The following LNX2 variants were observed in gnomAD, a reference collection of about 807,000 sequenced individuals.
LNX2 encodes the protein ligand of Numb protein X 2.
A neutral mutation model predicts 66.2 loss-of-function variants in LNX2; 35 were observed. The observed-to-expected ratio is 0.53, with a 90% CI of 0.40 to 0.70. LNX2 has a LOEUF of 0.70. Among genes scored for constraint, LNX2 ranks in the 30% least tolerant of loss-of-function variants. The pLI is 0.00. For synonymous variants in LNX2, 337 were observed against 315.6 expected, an observed-to-expected ratio of 1.07 and a Z score of -0.72; for missense variants, 791 against 850.8, an observed-to-expected ratio of 0.93 and a Z score of 0.87.
chr13:27,565,971 T>C (rs1289509520), intron 4 of LNX2, among the ~76,000 whole-genome samples: 2 of 152,158 alleles, frequency 1.3e-5, no homozygotes, highest in African/African-American at 2.4e-5. Flanking sequence ...GAGATGGCTA[T>C]TCCCAACAGC....
intron 1 of LNX2, among the ~76,000 whole-genome samples, chr13:27,584,791 T>A (rs1955464112): frequency 6.6e-6 from 1 of 152,190 alleles, no homozygotes; most frequent in Admixed American, 6.5e-5. Context: ...ACAGTTGGCC[T>A]CAGATAAATT....
rs1002163336 is a variant in LNX2, at chr13:27,560,073, C to T, written c.1225-88G>A. The T allele has an allele frequency of 6.6e-6, 8 of 1,220,616 alleles. No homozygotes were observed. The African/African-American group carries it at 7.7e-5, about 12-fold the overall frequency. The allele number at this position is 1,220,616 out of a possible 1,614,324, so 75.6% of individuals were successfully genotyped here. ...ACACAGTGTAATTTTCAATGAACTT[C>T]TTAATCACTGTACCAGGGCGTCATC... On this transcript the variant is annotated intron_variant, in intron 5 of 9. Transcript: ENST00000316334.
chr13:27,582,185 A>G (rs1350447503), intron 1 of LNX2, among the ~76,000 whole-genome samples: 2 of 151,986 alleles, frequency 1.3e-5, no homozygotes, highest in African/African-American at 2.4e-5. Flanking sequence ...GCACGCCACC[A>G]TGTCCTGTTA....
intron 2 of LNX2, among the ~76,000 whole-genome samples, chr13:27,572,332 G>T (rs1010283336): frequency 6.6e-6 from 1 of 152,170 alleles, no homozygotes; most frequent in Admixed American, 6.5e-5. Flanking sequence ...CAGGAGACTA[G>T]TACAGAGGAT....
intron 1 of LNX2, among the ~76,000 whole-genome samples, chr13:27,590,633 C>T (rs1221182216): frequency 3.3e-5 from 5 of 152,086 alleles, no homozygotes; most frequent in Admixed American, 3.3e-4. Flanking sequence ...GCAGATTTTG[C>T]CCCAGAGCCA....
At chr13:27,602,177 A>C (rs1010409051) in intron 1 of LNX2, among the ~76,000 whole-genome samples, 2 of 152,118 alleles carry the variant, frequency 1.3e-5, no homozygotes, top group Non-Finnish European at 2.9e-5. Flanking sequence ...CCCAGCACTC[A>C]AGCAATCATC....
intron 1 of LNX2, among the ~76,000 whole-genome samples, chr13:27,587,922 G>A (rs1209919465): frequency 6.6e-6 from 1 of 151,014 alleles, no homozygotes; most frequent in Non-Finnish European, 1.5e-5. Context: ...TCAGGAGGCT[G>A]AGGCAGAAGA....
At chr13:27,592,203 G>C (rs1566128170) in intron 1 of LNX2, among the ~76,000 whole-genome samples, 1 of 152,208 alleles carries the variant, frequency 6.6e-6, no homozygotes, top group Non-Finnish European at 1.5e-5. Flanking sequence ...GCAATTAAAA[G>C]CCTACTGAAA....
intron 6 of LNX2, among the ~76,000 whole-genome samples, chr13:27,557,951 C>G (rs1166183307): frequency 6.6e-6 from 1 of 151,924 alleles, no homozygotes; most frequent in Admixed American, 6.6e-5. Context: ...CAGGTTCAGC[C>G]CTTACATATT....
At chr13:27,579,032 A>G (rs986163680) in intron 2 of LNX2, among the ~76,000 whole-genome samples, 8 of 152,224 alleles carry the variant, frequency 5.3e-5, no homozygotes, top group African/African-American at 1.7e-4. Context: ...AAACTGAAAG[A>G]CTATAAAGAC....
chr13:27,583,169 AGTGTGTGTGTGTGTGTGTGTGTGTGTGT>A (rs763165039), intron 1 of LNX2, among the ~76,000 whole-genome samples: 1,497 of 44,126 alleles, frequency 0.034, 278 homozygotes, highest in Admixed American at 0.063. Context: ...TCAGAGCAGC[AGTGTGTGTGTGTGTGTGTGTGTGTGTGT>A]GTGTGTGTGT....
In LNX2 at chr13:27,562,091, AC is replaced by A. The variant is rs575136276; in HGVS notation, c.1224+321del. 6.0e-3 allele frequency among the ~76,000 whole-genome samples: 913 copies of A among 152,272 alleles called. 10 individuals are homozygous for A. The highest frequency in any genetic ancestry group is 0.021 in the African/African-American group (866 of 41,552). On this transcript the variant is annotated intron_variant, in intron 5 of 9. Coordinates refer to ENST00000316334, the MANE Select transcript of LNX2 (RefSeq NM_153371.4). ...AGCTCTTTTGAGCCTCCCTTTCCTC[AC>A]TTCTAAAAGGTGGACATATCATCTG... is the stretch of plus-strand genomic sequence containing the variant.
At chr13:27,596,894 T>C (rs577771769) in intron 1 of LNX2, among the ~76,000 whole-genome samples, 2 of 152,272 alleles carry the variant, frequency 1.3e-5, no homozygotes, top group South Asian at 4.1e-4. Context: ...TACAGATAAA[T>C]GTCTCTGTAA....
chr13:27,584,377 C>G (rs1201534867), intron 1 of LNX2, among the ~76,000 whole-genome samples: 1 of 146,882 alleles, frequency 6.8e-6, no homozygotes, highest in Non-Finnish European at 1.5e-5. Context: ...ATGGTAGGAC[C>G]CTGTCTCTAC....
rs751207599 is a variant in LNX2 at position 27,583,208 on chromosome 13, G to GCGCGCACGTGCCCTCTCCAATATAACTT, written c.-100-1406_-100-1405insAAGTTATATTGGAGAGGGCACGTGCGCG. Among the ~76,000 whole-genome samples the GCGCGCACGTGCCCTCTCCAATATAACTT allele has an allele frequency of 1.1e-4, 2 of 18,078 alleles. 1 individual carries two copies. Among genetic ancestry groups the GCGCGCACGTGCCCTCTCCAATATAACTT allele is most frequent in the Non-Finnish European group, 1.9e-4 (2 of 10,364 alleles). 11.9% of individuals were successfully genotyped at this position (18,078 alleles called of 152,430 possible). A position where few individuals can be genotyped will look rare whatever the true frequency, so the allele number is the denominator to read the frequency against. On this transcript the variant is annotated intron_variant, in intron 1 of 9. Transcript: ENST00000316334. ...TGTGTGTGTGTGTGTGTGTGTGTGT[G>GCGCGCACGTGCCCTCTCCAATATAACTT]TGTGTGTGTGTGTGTGTGTGTGTGT... is the stretch of plus-strand genomic sequence containing the variant.
At chr13:27,578,627 A>G (rs1464720626) in intron 2 of LNX2, among the ~76,000 whole-genome samples, 2 of 152,200 alleles carry the variant, frequency 1.3e-5, no homozygotes, top group African/African-American at 2.4e-5. Flanking sequence ...CCTACTAGAC[A>G]CTGAACCACT....
At chr13:27,617,210 T>C (rs1307688832) in intron 1 of LNX2, among the ~76,000 whole-genome samples, 2 of 152,240 alleles carry the variant, frequency 1.3e-5, no homozygotes, top group African/African-American at 4.8e-5. Flanking sequence ...GGATGTCTTT[T>C]GTAAGACTCT....
chr13:27,572,543 C>A (rs529861751), intron 2 of LNX2, among the ~76,000 whole-genome samples: 118 of 152,256 alleles, frequency 7.8e-4, no homozygotes, highest in Non-Finnish European at 3.8e-4. Flanking sequence ...TTAAATAAAA[C>A]CAAAATGCTC....
Position 27,567,750 on chromosome 13 carries a change from T to A in LNX2, c.745A>T (p.Ile249Phe). 3 of 1,613,976 alleles carry A rather than the reference T, an allele frequency of 1.9e-6. No individual in the cohort carries two copies. Among genetic ancestry groups the A allele is most frequent in the Non-Finnish European group, 2.5e-6 (3 of 1,179,926 alleles). The change falls in exon 4 of 10, where the codon ATT (isoleucine) becomes TTT (phenylalanine). Residue 249 changes from isoleucine to phenylalanine, a missense_variant. By Grantham distance (21) the Ile-to-Phe change is conservative (BLOSUM62 0). Coordinates refer to ENST00000316334, the MANE Select transcript of LNX2 (RefSeq NM_153371.4). ...SNPYIQLGIS[I>F]VGGNETPLIN... is the part of the protein sequence containing the mutation. The stretch of plus-strand genomic sequence containing the variant: ...AAAGGTGTTTCGTTGCCACCCACAA[T>A]GCTGATTCCTAACTGAATGTAAGGA...
Sources: allele counts gnomAD v4.1 joint callset (sites outside exome capture counted in the v4.1 genomes callset), GRCh38; gene constraint gnomAD v4.1.1; transcripts MANE v1.5; gene names NCBI Gene and HGNC (gene_info 2026-07-23, HGNC 2026-07-21).